The following NAALADL2 variants were observed in gnomAD, a reference collection of about 807,000 sequenced individuals.
NAALADL2 encodes the protein inactive N-acetylated-alpha-linked acidic dipeptidase-like protein 2.
In NAALADL2, 76 loss-of-function variants were observed where a neutral mutation model predicts 87.2. The observed-to-expected ratio is 0.87, with a 90% CI of 0.72 to 1.05. The LOEUF is 1.05. Among genes scored for constraint, NAALADL2 ranks in the 50% least tolerant of loss-of-function variants. The pLI is 0.00. For synonymous variants in NAALADL2, 354 were observed against 331.0 expected, an observed-to-expected ratio of 1.07 and a Z score of -0.75; for missense variants, 1,089 against 945.8, an observed-to-expected ratio of 1.15 and a Z score of -1.99.
chr3:174,476,576 T>C (rs955620251), intron 1 of NAALADL2, among the ~76,000 whole-genome samples: 5 of 152,064 alleles, frequency 3.3e-5, no homozygotes, highest in Non-Finnish European at 5.9e-5. Context: ...CCTAAGTATA[T>C]GTAAATACTC....
chr3:174,795,272 C>G (rs562368545), intron 3 of NAALADL2, among the ~76,000 whole-genome samples: 93 of 151,976 alleles, frequency 6.1e-4, no homozygotes, highest in African/African-American at 2.2e-3. Context: ...GCTGGGATTA[C>G]AGGCATCAGC....
At chr3:175,363,677 T>C (rs1300302446) in intron 5 of NAALADL2, among the ~76,000 whole-genome samples, 1 of 148,198 alleles carries the variant, frequency 6.7e-6, no homozygotes. Context: ...ACTCTCATTT[T>C]ACTCTATTTT....
intron 11 of NAALADL2, among the ~76,000 whole-genome samples, chr3:175,639,470 G>A (rs957329759): frequency 6.6e-6 from 1 of 151,804 alleles, no homozygotes; most frequent in African/African-American, 2.4e-5. Context: ...ACAGGTGCCT[G>A]CCACCAAGCC....
At chr3:175,060,537 G>C (rs1357363559) in intron 1 of NAALADL2, among the ~76,000 whole-genome samples, 2 of 152,148 alleles carry the variant, frequency 1.3e-5, no homozygotes, top group African/African-American at 4.8e-5. Context: ...AATCTCAATT[G>C]TATGAATAGT....
intron 1 of NAALADL2, among the ~76,000 whole-genome samples, chr3:174,868,941 T>C (rs1415484255): frequency 6.6e-6 from 1 of 151,986 alleles, no homozygotes; most frequent in South Asian, 2.1e-4. Flanking sequence ...AGATGGATGG[T>C]AGAGGAAGAA....
In NAALADL2 at chr3:175,648,852, A is replaced by T. The variant is rs115646166; in HGVS notation, c.1896+21466A>T. Among the ~76,000 whole-genome samples the T allele has an allele frequency of 6.7e-3, 1,019 of 152,334 alleles. 10 individuals carry two copies. The highest frequency in any genetic ancestry group is 0.023 in the African/African-American group (975 of 41,582). On this transcript the variant is annotated intron_variant, in intron 11 of 13. Transcript: ENST00000454872. The stretch of plus-strand genomic sequence containing the variant: ...AGCTTTGCTTTTTCTATAAGAAGAA[A>T]CAAATACTTTGCCTGGGGTCATTTG...
intron 6 of NAALADL2, among the ~76,000 whole-genome samples, chr3:175,450,495 C>A (rs1315330429): frequency 1.3e-5 from 2 of 152,036 alleles, no homozygotes; most frequent in African/African-American, 4.8e-5. Context: ...CACACTAAAT[C>A]AAAATTCTCT....
intron 4 of NAALADL2, among the ~76,000 whole-genome samples, chr3:175,265,547 A>G (rs1751783246): frequency 6.6e-6 from 1 of 151,638 alleles, no homozygotes; most frequent in South Asian, 2.1e-4. Context: ...ATCTTGCTTA[A>G]GAACACATTG....
chr3:175,517,370 A>G (rs551990855), intron 9 of NAALADL2, among the ~76,000 whole-genome samples: 47 of 152,188 alleles, frequency 3.1e-4, no homozygotes, highest in Non-Finnish European at 6.0e-4. Context: ...CAAGGGCTAA[A>G]TAAAGATTCA....
At chr3:175,609,386 TGTA>T (rs1294425323) in intron 10 of NAALADL2, 2 of 152,250 alleles carry the variant, frequency 1.3e-5, no homozygotes, top group African/African-American at 4.8e-5. Flanking sequence ...AATACATATG[TGTA>T]GTATTTATAT....
At chr3:174,444,015 A>G (rs1212882515) in intron 1 of NAALADL2, among the ~76,000 whole-genome samples, 1 of 144,754 alleles carries the variant, frequency 6.9e-6, no homozygotes, top group African/African-American at 2.4e-5. Context: ...TTTTTATTGA[A>G]AAGGGAGGGA....
chr3:175,414,592 T>A (rs1333933351), intron 5 of NAALADL2, among the ~76,000 whole-genome samples: 2 of 152,190 alleles, frequency 1.3e-5, no homozygotes, highest in Non-Finnish European at 2.9e-5. Flanking sequence ...CTTATTATTA[T>A]ATGCTAAAAG....
At chr3:175,511,130 G>A (rs1044851941) in intron 9 of NAALADL2, among the ~76,000 whole-genome samples, 5 of 152,142 alleles carry the variant, frequency 3.3e-5, no homozygotes, top group Non-Finnish European at 2.9e-5. Flanking sequence ...TGCATAGTTA[G>A]TGATTGGAAC....
chr3:174,603,189 T>C (rs1718629793), intron 2 of NAALADL2, among the ~76,000 whole-genome samples: 1 of 152,038 alleles, frequency 6.6e-6, no homozygotes, highest in African/African-American at 2.4e-5. Flanking sequence ...GGATTGGTAT[T>C]AGTTCTTCTT....
At chr3:175,054,402 A>T (rs1711670184) in intron 1 of NAALADL2, among the ~76,000 whole-genome samples, 1 of 152,222 alleles carries the variant, frequency 6.6e-6, no homozygotes, top group African/African-American at 2.4e-5. Context: ...GAATTATAGC[A>T]GGAGAAGGCA....
chr3:174,556,963 C>G (rs1054024426), intron 2 of NAALADL2, among the ~76,000 whole-genome samples: 1 of 152,120 alleles, frequency 6.6e-6, no homozygotes, highest in African/African-American at 2.4e-5. Context: ...TCAGGCTTGT[C>G]TTGATCTCCT....
At position 175,301,071 on chromosome 3, in the gene NAALADL2, T is replaced by G. The variant is rs982588705; in HGVS notation, c.940-23104T>G. 6.6e-5 allele frequency among the ~76,000 whole-genome samples: 10 copies of G among 152,232 alleles called. No individual in the cohort carries two copies. The Middle Eastern group carries it at 0.01, about 155-fold the overall frequency. On this transcript the variant is annotated intron_variant, in intron 4 of 13. Coordinates refer to ENST00000454872, the MANE Select transcript of NAALADL2 (RefSeq NM_207015.3). ...CACCAGGTCTGATTCTTTGCTTTTT[T>G]GAAGGGTTTTTCGTGTCTCTGTCTC...
At chr3:175,215,853 C>A (rs767778937) in intron 2 of NAALADL2, among the ~76,000 whole-genome samples, 1 of 152,032 alleles carries the variant, frequency 6.6e-6, no homozygotes, top group East Asian at 1.9e-4. Context: ...GAAAGTAAGA[C>A]TGAATGGATG....
chr3:175,058,269 G>C (rs1017228932), intron 1 of NAALADL2, among the ~76,000 whole-genome samples: 10 of 152,268 alleles, frequency 6.6e-5, no homozygotes, highest in African/African-American at 2.4e-4. Flanking sequence ...ACCCATAGCT[G>C]TCAATCAATT....
Sources: gnomAD v4.1 joint callset for allele counts (sites outside exome capture counted in the v4.1 genomes callset) on GRCh38, gnomAD v4.1.1 for gene constraint, MANE v1.5 for transcripts, NCBI Gene and HGNC (gene_info 2026-07-23, HGNC 2026-07-21) for gene names.